Variants in TP53INP2 observed in about 807,000 individuals in gnomAD.
TP53INP2 encodes tumor protein p53-inducible nuclear protein 2.
Under a neutral mutation model 17.1 loss-of-function variants are expected in TP53INP2, and 12 were observed. The ratio of observed to expected loss-of-function variants is 0.70; its 90% CI spans 0.45 to 1.14. The LOEUF is 1.14. TP53INP2 is among the 50% of genes most tolerant of loss of function. The pLI, the probability that TP53INP2 is intolerant of heterozygous loss-of-function variation, is 0.00. For missense variants in TP53INP2, 342 were observed against 330.9 expected (o/e 1.03, Z -0.26); for synonymous variants, 145 against 147.3 (o/e 0.98, Z 0.12).
At position 34,709,041 on chromosome 20, in the gene TP53INP2, C is replaced by T. The variant is rs1392714141; in HGVS notation, c.124+178C>T. The stretch of plus-strand genomic sequence containing the variant: ...CTCTCCTGGCGGCCCAGGAGAGGCC[C>T]GCACGTCAGGTCCCCTAGGGCAGCA... On this transcript the variant is annotated intron_variant, in intron 3 of 4. Transcript: ENST00000374810. This position sits in a 1 kb window ranked among gnomAD's most constrained non-coding sequence, Gnocchi z 5.4. Among the ~76,000 whole-genome samples the T allele has an allele frequency of 1.3e-5, 2 of 152,044 alleles. No individual in the cohort carries two copies. The highest frequency in any genetic ancestry group is 2.9e-5 in the Non-Finnish European group (2 of 67,974).
In TP53INP2 at chr20:34,712,841, C is replaced by T. The variant is rs886662741; in HGVS notation, c.*2534C>T. The T allele has an allele frequency of 2.0e-5, 3 of 152,574 alleles. No individual in the cohort carries two copies. The highest frequency in any genetic ancestry group is 7.2e-5 in the African/African-American group (3 of 41,416). The allele number at this position is 152,574 out of a possible 1,614,324, so 9.5% of individuals were successfully genotyped here. On this transcript the variant is annotated 3_prime_UTR_variant, in exon 5 of 5. Coordinates refer to ENST00000374810, the MANE Select transcript of TP53INP2 (RefSeq NM_021202.3). ...CTTTGCCAAAACTGTCAGAGGGACC[C>T]GTTTCTAGAGTGAGTCCCAGTTACA...
In TP53INP2 at chr20:34,712,750, G is replaced by A. The variant is rs945409262; in HGVS notation, c.*2443G>A. The A allele has an allele frequency of 2.6e-5, 4 of 152,550 alleles. No individual in the cohort carries two copies. Among genetic ancestry groups the A allele is most frequent in the African/African-American group, 9.7e-5 (4 of 41,422 alleles). The allele number at this position is 152,550 out of a possible 1,614,324, so 9.4% of individuals were successfully genotyped here. ...GGGGGTTAGAGAGTCTGTTTTGATT[G>A]ATGTTTTCTGAGGCCCTAGAGGAGT... On this transcript the variant is annotated 3_prime_UTR_variant, in exon 5 of 5. Coordinates refer to ENST00000374810, the MANE Select transcript of TP53INP2 (RefSeq NM_021202.3).
chr20:34,709,353 C>G lies in TP53INP2; in HGVS notation c.242C>G (p.Ala81Gly), dbSNP rs1282083353. 10 of 1,613,518 alleles carry G rather than the reference C, an allele frequency of 6.2e-6. No homozygotes were observed. Among genetic ancestry groups the G allele is most frequent in the African/African-American group, 2.7e-5 (2 of 74,906 alleles). The stretch of plus-strand genomic sequence containing the variant: ...GTTACCCCTCCCGCCTGTTTTACGG[C>G]AGAGGGGCCTGGACTCGGTCCCGCC... ...WFVTPPACFTAEGPGLGPARL... is the reference protein window; with the variant it reads ...WFVTPPACFTGEGPGLGPARL... The change falls in exon 4 of 5, where the codon GCA becomes GGA. Residue 81 changes from alanine to glycine, a missense_variant. Transcript: ENST00000374810. This position sits in a 1 kb window ranked among gnomAD's most constrained non-coding sequence, Gnocchi z 5.4.
In TP53INP2 at chr20:34,710,440, C is replaced by A; in HGVS notation, c.*133C>A. 1 of 1,017,250 alleles carries A rather than the reference C, an allele frequency of 9.8e-7. No individual in the cohort carries two copies. Among genetic ancestry groups the A allele is most frequent in the African/African-American group, 1.7e-5 (1 of 59,992 alleles). The allele number at this position is 1,017,250 out of a possible 1,614,324, so 63.0% of individuals were successfully genotyped here. ...TGGGTGATAGCCGTTCCTTCCCCGACACCCTCAATTTCCCCATCTCTGATC... is the reference window on the plus strand; with the variant it reads ...TGGGTGATAGCCGTTCCTTCCCCGAAACCCTCAATTTCCCCATCTCTGATC... On this transcript the variant is annotated 3_prime_UTR_variant, in exon 5 of 5. Transcript: ENST00000374810. This position sits in a 1 kb window ranked among gnomAD's most constrained non-coding sequence, Gnocchi z 4.9.
chr20:34,706,014 C>T (rs1482249564), intron 2 of TP53INP2, among the ~76,000 whole-genome samples: 3 of 152,142 alleles, frequency 2.0e-5, no homozygotes, highest in Non-Finnish European at 2.9e-5. Flanking sequence ...GGGAGCTTTT[C>T]CCCTGAGCCT....
At position 34,710,035 on chromosome 20, in the gene TP53INP2, C is replaced by A; in HGVS notation, c.414-23C>A. 7.8e-7 allele frequency: 1 copy of A among 1,281,464 alleles called. No homozygotes were observed. Among genetic ancestry groups the A allele is most frequent in the Non-Finnish European group, 9.9e-7 (1 of 1,012,058 alleles). 79.4% of individuals were successfully genotyped at this position (1,281,464 alleles called of 1,614,324 possible). ...CCCCGCCCAGCTTACCCGGCTTGAC[C>A]GAGCCTGGCTCTGTCCTCACAGGGA... On this transcript the variant is annotated intron_variant, in intron 4 of 4. Coordinates refer to ENST00000374810, the MANE Select transcript of TP53INP2 (RefSeq NM_021202.3). The surrounding 1 kb of genome is among the most constrained non-coding windows in gnomAD (Gnocchi z 4.9).
At chr20:34,708,222 G>A (rs909540787) in intron 2 of TP53INP2, among the ~76,000 whole-genome samples, 1 of 152,132 alleles carries the variant, frequency 6.6e-6, no homozygotes, top group African/African-American at 2.4e-5. Flanking sequence ...AAAGCACCCT[G>A]TAATAATAAC....
chr20:34,705,896 A>G (rs980307610), intron 2 of TP53INP2, among the ~76,000 whole-genome samples: 6 of 152,162 alleles, frequency 3.9e-5, no homozygotes, highest in Non-Finnish European at 8.8e-5. Context: ...GGGCTGGGAA[A>G]GGAAATCTGG....
At position 34,709,608 on chromosome 20, in the gene TP53INP2, G is replaced by A. The variant is rs1055060378; in HGVS notation, c.413+84G>A. 24 of 1,467,740 alleles carry A rather than the reference G, an allele frequency of 1.6e-5. No individual in the cohort carries two copies. Among genetic ancestry groups the A allele is most frequent in the Non-Finnish European group, 2.1e-5 (24 of 1,117,972 alleles). The allele number at this position is 1,467,740 out of a possible 1,614,324, so 90.9% of individuals were successfully genotyped here. On this transcript the variant is annotated intron_variant, in intron 4 of 4. Transcript: ENST00000374810. The surrounding 1 kb of genome is among the most constrained non-coding windows in gnomAD (Gnocchi z 5.4). ...TCCAGGCTAGGAGGCTGGGGTAGTG[G>A]GGCCAGGAGCCCGCCCCGCGCTCGA...
At chr20:34,707,172 A>C (rs758498778) in intron 2 of TP53INP2, among the ~76,000 whole-genome samples, 7 of 151,996 alleles carry the variant, frequency 4.6e-5, no homozygotes, top group Non-Finnish European at 1.0e-4. Flanking sequence ...TCCCTTCATC[A>C]TCACCTCCCA....
chr20:34,709,442 A>G lies in TP53INP2; in HGVS notation c.331A>G (p.Thr111Ala), dbSNP rs1290140609. 2.5e-6 allele frequency: 4 copies of G among 1,613,616 alleles called. No homozygotes were observed. Among genetic ancestry groups the G allele is most frequent in the Non-Finnish European group, 3.4e-6 (4 of 1,179,832 alleles). The change falls in exon 4 of 5, where the codon ACC becomes GCC. Residue 111 changes from threonine (T) to alanine (A), a missense_variant. Physicochemically the swap from Thr to Ala is moderately conservative, Grantham distance 58. Coordinates refer to ENST00000374810, the MANE Select transcript of TP53INP2 (RefSeq NM_021202.3). This position sits in a 1 kb window ranked among gnomAD's most constrained non-coding sequence, Gnocchi z 5.4. ...IEHPSMSVYVTGSTIVLEPGS... is the reference protein window; with the variant it reads ...IEHPSMSVYVAGSTIVLEPGS... ...GCACCCCAGCATGTCCGTTTACGTC[A>G]CCGGCAGCACCATAGTGCTAGAGCC...
At position 34,710,210 on chromosome 20, in the gene TP53INP2, T is replaced by G. The variant is rs1278737583; in HGVS notation, c.566T>G (p.Val189Gly). 6.8e-7 allele frequency: 1 copy of G among 1,479,242 alleles called. No individual in the cohort carries two copies. Among genetic ancestry groups the G allele is most frequent in the Non-Finnish European group, 9.0e-7 (1 of 1,105,806 alleles). The allele number at this position is 1,479,242 out of a possible 1,614,324, so 91.6% of individuals were successfully genotyped here. Residue 189 changes from valine to glycine, a missense_variant, in exon 5 of 5, where the codon GTG becomes GGG. Val to Gly is a moderately radical substitution (Grantham distance 109). Coordinates refer to ENST00000374810, the MANE Select transcript of TP53INP2 (RefSeq NM_021202.3). This position sits in a 1 kb window ranked among gnomAD's most constrained non-coding sequence, Gnocchi z 4.9. Reference sequence around the variant, plus strand: ...CGCCACGCGCTGAGCGCCAAGGCGGTGCAGCGGCAGAACCGAGCCCGCGAG... The same window carrying G: ...CGCCACGCGCTGAGCGCCAAGGCGGGGCAGCGGCAGAACCGAGCCCGCGAG... The part of the protein sequence containing the change: ...AERHALSAKA[V>G]QRQNRARESR...
rs777400598 is a variant in TP53INP2, at chr20:34,708,786, C to A, written c.47C>A (p.Pro16His). ...CTCTTCTTCAGCACCCCCTCGCCCCCCGAAGACCCCGACTGCCCCCGCGCC... is the reference window on the plus strand; with the variant it reads ...CTCTTCTTCAGCACCCCCTCGCCCCACGAAGACCCCGACTGCCCCCGCGCC... ...SSLFFSTPSP[P>H]EDPDCPRAFV... Residue 16 changes from proline (P) to histidine (H), a missense_variant, in exon 3 of 5, where the codon CCC becomes CAC. Coordinates refer to ENST00000374810, the MANE Select transcript of TP53INP2 (RefSeq NM_021202.3). 26 of 1,609,542 alleles carry A rather than the reference C, an allele frequency of 1.6e-5. No individual in the cohort carries two copies. The highest frequency in any genetic ancestry group is 2.1e-5 in the Non-Finnish European group (25 of 1,178,132).
intron 1 of TP53INP2, among the ~76,000 whole-genome samples, chr20:34,705,026 A>T (rs1426099925): frequency 6.6e-6 from 1 of 152,164 alleles, no homozygotes; most frequent in African/African-American, 2.4e-5. Flanking sequence ...GCCCCCAGGG[A>T]CTAACAGAAT....
rs373986278 is a variant in TP53INP2 at position 34,708,745 on chromosome 20, C to A, written c.6C>A (p.Phe2Leu). 5 of 1,578,154 alleles carry A rather than the reference C, an allele frequency of 3.2e-6. No homozygotes were observed. In the African/African-American group the frequency reaches 6.7e-5, roughly 21 times the overall value. M[F>L]QRLSSLFFST... ...GAGGCGCTTCGCCCCCCACCATGTT[C>A]CAGCGCCTCTCCAGCCTCTTCTTCA... The change falls in exon 3 of 5, where the codon TTC becomes TTA. Residue 2 changes from phenylalanine to leucine, a missense_variant. Coordinates refer to ENST00000374810, the MANE Select transcript of TP53INP2 (RefSeq NM_021202.3).
At position 34,710,126 on chromosome 20, in the gene TP53INP2, C is replaced by A; in HGVS notation, c.482C>A (p.Ala161Glu). ...RHAAPLPARA[A>E]LLEKAGQVRR... ...GCCGCTCCTCTCCCAGCGCGGGCGG[C>A]GCTGCTGGAGAAGGCGGGCCAGGTG... The change falls in exon 5 of 5, where the codon GCG becomes GAG. Residue 161 changes from alanine (A) to glutamate (E), a missense_variant. Ala to Glu is a moderately radical substitution (Grantham distance 107, BLOSUM62 -1). Transcript: ENST00000374810. The surrounding 1 kb of genome is among the most constrained non-coding windows in gnomAD (Gnocchi z 4.9). 7.9e-7 allele frequency: 1 copy of A among 1,265,732 alleles called. No homozygotes were observed. The allele number at this position is 1,265,732 out of a possible 1,614,324, so 78.4% of individuals were successfully genotyped here. A position where few individuals can be genotyped will look rare whatever the true frequency, so the allele number is the denominator to read the frequency against.
At position 34,708,802 on chromosome 20, in the gene TP53INP2, C is replaced by T. The variant is rs761905697; in HGVS notation, c.63C>T (p.Cys21=). Residue 21 remains cysteine, a synonymous_variant, in exon 3 of 5, where the codon TGC becomes TGT. Transcript: ENST00000374810. The part of the protein sequence containing the change: ...STPSPPEDPD[C]PRAFVSEEDE... The stretch of plus-strand genomic sequence containing the variant: ...CCTCGCCCCCCGAAGACCCCGACTG[C>T]CCCCGCGCCTTCGTGTCGGAGGAGG... The T allele has an allele frequency of 6.2e-7, 1 of 1,613,272 alleles. No homozygotes were observed. Among genetic ancestry groups the T allele is most frequent in the Non-Finnish European group, 8.5e-7 (1 of 1,179,646 alleles).
At position 34,712,607 on chromosome 20, in the gene TP53INP2, A is replaced by G. The variant is rs932865549; in HGVS notation, c.*2300A>G. The G allele has an allele frequency of 6.6e-6, 1 of 152,596 alleles. No individual in the cohort carries two copies. Among genetic ancestry groups the G allele is most frequent in the Non-Finnish European group, 1.5e-5 (1 of 68,034 alleles). The allele number at this position is 152,596 out of a possible 1,614,324, so 9.5% of individuals were successfully genotyped here. On this transcript the variant is annotated 3_prime_UTR_variant, in exon 5 of 5. Transcript: ENST00000374810. ...GACTCCTGAAGCATCAGCCCTTGTC[A>G]TACTGTATTGACTGTGTACGTGCCT...
rs370840834 is a variant in TP53INP2, at chr20:34,709,423, C to T, written c.312C>T (p.Pro104=). Reference sequence around the variant, plus strand: ...TGGAGGACCTCCTCATCGAGCACCCCAGCATGTCCGTTTACGTCACCGGCA... The same window carrying T: ...TGGAGGACCTCCTCATCGAGCACCCTAGCATGTCCGTTTACGTCACCGGCA... ...SPLEDLLIEH[P]SMSVYVTGST... is the part of the protein sequence containing the mutation. Residue 104 remains proline, a synonymous_variant, in exon 4 of 5, where the codon CCC becomes CCT. Coordinates refer to ENST00000374810, the MANE Select transcript of TP53INP2 (RefSeq NM_021202.3). The surrounding 1 kb of genome is among the most constrained non-coding windows in gnomAD (Gnocchi z 5.4). The T allele has an allele frequency of 4.8e-5, 77 of 1,613,938 alleles. No homozygotes were observed. Among genetic ancestry groups the T allele is most frequent in the Admixed American group, 2.0e-4 (12 of 60,030 alleles).
Sources: gnomAD v4.1 joint callset for allele counts (sites outside exome capture counted in the v4.1 genomes callset) on GRCh38, gnomAD v4.1.1 for gene constraint, Gnocchi (gnomAD v3.1) non-coding constraint, MANE v1.5 for transcripts, NCBI Gene and HGNC (gene_info 2026-07-23, HGNC 2026-07-21) for gene names.